GABRB1: variants seen among roughly 807,000 people sequenced by gnomAD.
GABRB1 encodes the protein gamma-aminobutyric acid receptor subunit beta-1.
In GABRB1, 17 loss-of-function variants were observed where a neutral mutation model predicts 51.6. That is an observed-to-expected ratio of 0.33 (90% CI 0.23 to 0.49). GABRB1 has a LOEUF of 0.49. Among genes scored for constraint, GABRB1 ranks in the 20% least tolerant of loss-of-function variants. The pLI is 0.99. For missense variants in GABRB1, 410 were observed against 600.6 expected (o/e 0.68, Z 3.32); for synonymous variants, 247 against 218.9 (o/e 1.13, Z -1.14).
intron 5 of GABRB1, among the ~76,000 whole-genome samples, chr4:47,326,915 T>C (rs897128995): frequency 1.3e-5 from 2 of 152,184 alleles, no homozygotes; most frequent in Admixed American, 6.5e-5. Context: ...CCCCCATAGA[T>C]TATAAACTTC....
intron 3 of GABRB1, among the ~76,000 whole-genome samples, chr4:47,036,581 G>A (rs901771535): frequency 2.0e-5 from 3 of 152,164 alleles, no homozygotes; most frequent in Admixed American, 1.3e-4. Context: ...TAAGAAATTG[G>A]CTGGGTACAG....
At chr4:47,404,979 A>G (rs1469323091) in intron 7 of GABRB1, among the ~76,000 whole-genome samples, 1 of 152,202 alleles carries the variant, frequency 6.6e-6, no homozygotes, top group African/African-American at 2.4e-5. Context: ...TTGGATGGTA[A>G]AACTTGAGAT....
chr4:47,330,558 C>A (rs1267395947), intron 5 of GABRB1, among the ~76,000 whole-genome samples: 1 of 152,058 alleles, frequency 6.6e-6, no homozygotes, highest in Non-Finnish European at 1.5e-5. Context: ...TGAAATAGAT[C>A]CCTGCTTAAG....
intron 4 of GABRB1, among the ~76,000 whole-genome samples, chr4:47,290,457 G>C (rs868274362): frequency 2.0e-5 from 3 of 152,302 alleles, no homozygotes; most frequent in Middle Eastern, 6.8e-3. Flanking sequence ...ATTGGTACCA[G>C]TAGAGTGGGG....
At chr4:47,352,556 A>G (rs1726391954) in intron 5 of GABRB1, among the ~76,000 whole-genome samples, 1 of 152,186 alleles carries the variant, frequency 6.6e-6, no homozygotes, top group African/African-American at 2.4e-5. Flanking sequence ...CACATCAAAA[A>G]GCTTATCCAC....
At chr4:47,260,884 A>T (rs574361393) in intron 4 of GABRB1, among the ~76,000 whole-genome samples, 1 of 152,278 alleles carries the variant, frequency 6.6e-6, no homozygotes, top group Non-Finnish European at 1.5e-5. Context: ...GGGATGCAAG[A>T]CTGGTTCAAT....
intron 5 of GABRB1, among the ~76,000 whole-genome samples, chr4:47,378,953 C>T (rs1485284772): frequency 4.6e-5 from 7 of 152,182 alleles, no homozygotes; most frequent in Admixed American, 3.3e-4. Context: ...CTCTCCGTCA[C>T]ACCAGAACTG....
intron 3 of GABRB1, among the ~76,000 whole-genome samples, chr4:47,083,376 G>A (rs564972593): frequency 2.6e-5 from 4 of 152,108 alleles, no homozygotes; most frequent in Non-Finnish European, 4.4e-5. Context: ...TTTTATATTA[G>A]CACAAGGTAG....
chr4:46,997,360 A>C (rs1039099084), intron 1 of GABRB1, among the ~76,000 whole-genome samples: 1 of 151,494 alleles, frequency 6.6e-6, no homozygotes, highest in Non-Finnish European at 1.5e-5. Flanking sequence ...TTCAGTGTGC[A>C]ATGAAATATT....
At chr4:47,211,805 G>A (rs898923225) in intron 4 of GABRB1, among the ~76,000 whole-genome samples, 2 of 152,234 alleles carry the variant, frequency 1.3e-5, no homozygotes, top group African/African-American at 4.8e-5. Flanking sequence ...TCCGGAGGCT[G>A]TCCTCATTCC....
chr4:47,088,572 G>A (rs934095793), intron 3 of GABRB1, among the ~76,000 whole-genome samples: 1 of 152,188 alleles, frequency 6.6e-6, no homozygotes, highest in African/African-American at 2.4e-5. Flanking sequence ...CATGAAGCAG[G>A]CTGACCTATC....
intron 4 of GABRB1, among the ~76,000 whole-genome samples, chr4:47,254,565 G>A (rs992362770): frequency 4.0e-5 from 6 of 151,280 alleles, no homozygotes; most frequent in African/African-American, 1.5e-4. Flanking sequence ...GTAGAGACGG[G>A]GTTTCACCGT....
intron 1 of GABRB1, among the ~76,000 whole-genome samples, chr4:47,009,468 A>G (rs1724526505): frequency 6.6e-6 from 1 of 152,290 alleles, no homozygotes; most frequent in African/African-American, 2.4e-5. Context: ...CTATCTACCA[A>G]GTTTAATGTG....
intron 4 of GABRB1, among the ~76,000 whole-genome samples, chr4:47,193,778 G>A (rs926932179): frequency 7.2e-5 from 11 of 152,132 alleles, no homozygotes; most frequent in African/African-American, 2.7e-4. Context: ...AAATATTTGT[G>A]TAATGGATTT....
chr4:47,307,576 A>T (rs1023823403), intron 4 of GABRB1, among the ~76,000 whole-genome samples: 2 of 152,082 alleles, frequency 1.3e-5, no homozygotes, highest in Admixed American at 1.3e-4. Flanking sequence ...CTTCCAAAAA[A>T]GTTTAACAAT....
intron 5 of GABRB1, among the ~76,000 whole-genome samples, chr4:47,331,835 G>C (rs1246102881): frequency 2.6e-5 from 4 of 152,134 alleles, no homozygotes; most frequent in Admixed American, 6.6e-5. Context: ...GAACCATCAA[G>C]GTAGTAACTA....
At chr4:47,110,578 C>T (rs1225682132) in intron 3 of GABRB1, among the ~76,000 whole-genome samples, 1 of 152,104 alleles carries the variant, frequency 6.6e-6, no homozygotes, top group Admixed American at 6.6e-5. Context: ...TATGTAGATA[C>T]TTTGTTCCAA....
chr4:46,999,128 T>C (rs948162939), intron 1 of GABRB1, among the ~76,000 whole-genome samples: 4 of 152,274 alleles, frequency 2.6e-5, no homozygotes, highest in Admixed American at 2.6e-4. Context: ...AATTTATGCA[T>C]TACCGATAGT....
chr4:47,404,629 A>G (rs1381123124), intron 7 of GABRB1, among the ~76,000 whole-genome samples: 1 of 152,332 alleles, frequency 6.6e-6, no homozygotes, highest in East Asian at 1.9e-4. Context: ...ACTAATTGTC[A>G]TCACTACAGC....
Sources: gnomAD v4.1 joint callset for allele counts (sites outside exome capture counted in the v4.1 genomes callset) on GRCh38, gnomAD v4.1.1 for gene constraint, MANE v1.5 for transcripts, NCBI Gene and HGNC (gene_info 2026-07-23, HGNC 2026-07-21) for gene names.